DOC2B: variants seen among roughly 807,000 people sequenced by gnomAD.
The protein encoded by DOC2B is double C2 domain beta.
DOC2B carries 21 observed loss-of-function variants against 28.9 expected under a neutral mutation model. That is an observed-to-expected ratio of 0.73 (90% CI 0.52 to 1.05). DOC2B has a LOEUF of 1.05. Among genes scored for constraint, DOC2B ranks in the 50% least tolerant of loss-of-function variants. The pLI, the probability that DOC2B is intolerant of heterozygous loss-of-function variation, is 0.00. For missense variants in DOC2B, 384 were observed against 421.1 expected (o/e 0.91, Z 0.77); for synonymous variants, 194 against 178.1 (o/e 1.09, Z -0.71).
At chr17:178,480 C>T (rs2040394485) in intron 1 of DOC2B, among the ~76,000 whole-genome samples, 1 of 152,216 alleles carries the variant, frequency 6.6e-6, no homozygotes, top group Non-Finnish European at 1.5e-5. Context: ...GAGAGCCTCT[C>T]AGGTAGGGGC....
Position 172,613 on chromosome 17 carries a change from G to A in DOC2B, c.377C>T (p.Ala126Val), listed in dbSNP as rs910679659. ...ADGYESDDCT[A>V]LGTLDFSLLY... Reference sequence around the variant, plus strand: ...CAGGCTGAAGTCCAGCGTGCCCAGGGCAGCTGCGGACAGAGGAGGGCACAG... The same window carrying A: ...CAGGCTGAAGTCCAGCGTGCCCAGGACAGCTGCGGACAGAGGAGGGCACAG... Residue 126 changes from alanine (A) to valine (V), a missense_variant, in exon 2 of 9, where the codon GCC (alanine) becomes GTC (valine). Physicochemically the swap from Ala to Val is moderately conservative, Grantham distance 64. Transcript: ENST00000613549. 2 of 1,550,358 alleles carry A rather than the reference G, an allele frequency of 1.3e-6. No individual in the cohort carries two copies. The highest frequency in any genetic ancestry group is 2.7e-5 in the African/African-American group (2 of 73,126).
Position 156,278 on chromosome 17 carries a change from G to A in DOC2B, c.865C>T (p.Arg289Trp), listed in dbSNP as rs180965628. 72 of 1,551,644 alleles carry A rather than the reference G, an allele frequency of 4.6e-5. 1 individual carries two copies. Among genetic ancestry groups the A allele is most frequent in the Non-Finnish European group, 5.7e-5 (65 of 1,147,058 alleles). ...QKQGLLVGIV[R>W]CAHLAAMDAN... ...TCCATGGCGGCCAGGTGGGCGCACC[G>A]CACGATGCCTACCAGCAGGCCTTGC... The change falls in exon 6 of 9, where the codon CGG (arginine) becomes TGG (tryptophan). Residue 289 changes from arginine (R) to tryptophan (W), a missense_variant. Transcript: ENST00000613549.
At chr17:173,090 C>T (rs928228689) in intron 1 of DOC2B, among the ~76,000 whole-genome samples, 1 of 152,224 alleles carries the variant, frequency 6.6e-6, no homozygotes, top group African/African-American at 2.4e-5. Flanking sequence ...AGCCAACACA[C>T]AGGACTGCAG....
chr17:169,073 C>A, intron 2 of DOC2B, among the ~76,000 whole-genome samples: 1 of 152,102 alleles, frequency 6.6e-6, no homozygotes, highest in East Asian at 1.9e-4. Context: ...CCTGCCCCGC[C>A]CTGGGCCTCT....
chr17:170,678 T>G (rs1422186121), intron 2 of DOC2B, among the ~76,000 whole-genome samples: 1 of 151,990 alleles, frequency 6.6e-6, no homozygotes, highest in African/African-American at 2.4e-5. Context: ...CAGGGAGCAA[T>G]GGGGTGAGGG....
chr17:154,183 C>A (rs1410187316), intron 6 of DOC2B, among the ~76,000 whole-genome samples: 1 of 151,144 alleles, frequency 6.6e-6, no homozygotes, highest in Non-Finnish European at 1.5e-5. Context: ...ATATTCCACG[C>A]ACCTGCTACA....
chr17:170,846 GCAGCACCAGGGGCCGGGCCAGGCTGCA>G (rs2040305337), intron 2 of DOC2B, among the ~76,000 whole-genome samples: 5 of 91,290 alleles, frequency 5.5e-5, no homozygotes, highest in Non-Finnish European at 1.2e-4. Context: ...GCTGCAGAGG[GCAGCACCAGGGGCCGGGCCAGGCTGCA>G]GAGGGGAGCA....
At chr17:150,435 C>G (rs946055317) in intron 6 of DOC2B, among the ~76,000 whole-genome samples, 2 of 152,128 alleles carry the variant, frequency 1.3e-5, no homozygotes, top group Non-Finnish European at 2.9e-5. Flanking sequence ...GTGAAGGCAC[C>G]GCCCAAAGAC....
intron 3 of DOC2B, among the ~76,000 whole-genome samples, chr17:162,530 G>A (rs779725779): frequency 2.0e-5 from 3 of 152,216 alleles, no homozygotes; most frequent in Admixed American, 6.5e-5. Flanking sequence ...CAGGAGGGCC[G>A]ATGGCCTCTA....
At chr17:180,892 C>T (rs1489694952) in intron 1 of DOC2B, among the ~76,000 whole-genome samples, 1 of 151,802 alleles carries the variant, frequency 6.6e-6, no homozygotes, top group Non-Finnish European at 1.5e-5. Flanking sequence ...AACTTCCCTC[C>T]TGTCCGGCCT....
In DOC2B at chr17:145,409, C is replaced by T. The variant is rs892405465; in HGVS notation, c.*2032G>A. The T allele has an allele frequency of 1.3e-5, 2 of 152,366 alleles. No individual in the cohort carries two copies. Among genetic ancestry groups the T allele is most frequent in the East Asian group, 3.9e-4 (2 of 5,174 alleles). 9.4% of individuals were successfully genotyped at this position (152,366 alleles called of 1,614,324 possible). A position where few individuals can be genotyped will look rare whatever the true frequency, so the allele number is the denominator to read the frequency against. ...GGCAAACTACTCAGACTCTGGGAACCTGTTTCACCTGCAAGATGGGGATGA... is the reference window on the plus strand; with the variant it reads ...GGCAAACTACTCAGACTCTGGGAACTTGTTTCACCTGCAAGATGGGGATGA... On this transcript the variant is annotated 3_prime_UTR_variant, in exon 9 of 9. Transcript: ENST00000613549.
rs528443107 is a variant in DOC2B at position 160,204 on chromosome 17, G to A, written c.765+1211C>T. ...TTCGCCATGTTGGCCAGGCTCTCTC[G>A]AACTCTTGACCTCATGACCCACCTG... On this transcript the variant is annotated intron_variant, in intron 5 of 8. Coordinates refer to ENST00000613549, the MANE Select transcript of DOC2B (RefSeq NM_003585.5). 4.6e-5 allele frequency among the ~76,000 whole-genome samples: 7 copies of A among 152,102 alleles called. No individual in the cohort carries two copies. In the South Asian group the frequency reaches 6.2e-4, roughly 14 times the overall value.
In DOC2B at chr17:163,792, G is replaced by C. The variant is rs538585345; in HGVS notation, c.528+338C>G. ...TTTCCCCATGTTATTTAACCACAGA[G>C]TCCTTTGTTTGCACCTAATAGTAAC... On this transcript the variant is annotated intron_variant, in intron 3 of 8. Coordinates refer to ENST00000613549, the MANE Select transcript of DOC2B (RefSeq NM_003585.5). 3.9e-5 allele frequency: 11 copies of C among 282,044 alleles called. No homozygotes were observed. The East Asian group carries it at 6.7e-4, about 17-fold the overall frequency. 17.5% of individuals were successfully genotyped at this position (282,044 alleles called of 1,614,324 possible). A position where few individuals can be genotyped will look rare whatever the true frequency, so the allele number is the denominator to read the frequency against.
At chr17:175,494 G>A (rs1408940944) in intron 1 of DOC2B, among the ~76,000 whole-genome samples, 1 of 152,238 alleles carries the variant, frequency 6.6e-6, no homozygotes, top group African/African-American at 2.4e-5. Context: ...TTACATGATA[G>A]TAAATGGATC....
chr17:172,096 T>C (rs1416681518), intron 2 of DOC2B, among the ~76,000 whole-genome samples: 1 of 152,082 alleles, frequency 6.6e-6, no homozygotes, highest in East Asian at 1.9e-4. Context: ...ACACCCTGCC[T>C]GGAGTGGCAT....
chr17:176,714 A>C (rs540037184), intron 1 of DOC2B, among the ~76,000 whole-genome samples: 10 of 152,362 alleles, frequency 6.6e-5, no homozygotes, highest in African/African-American at 1.9e-4. Context: ...CCCTAAGGGC[A>C]GGAGAAGGTG....
rs202243525 is a variant in DOC2B, at chr17:172,156, TC to T, written c.453+380del. 5.5e-3 allele frequency among the ~76,000 whole-genome samples: 835 copies of T among 152,062 alleles called. 15 individuals carry two copies. Among genetic ancestry groups the T allele is most frequent in the African/African-American group, 0.019 (805 of 41,426 alleles). ...CCAGGGTGCAAAGTGGCGTCCCCAC[TC>T]CTCAGGGCGTCTGGGAGGCCTGGAG... On this transcript the variant is annotated intron_variant, in intron 2 of 8. Coordinates refer to ENST00000613549, the MANE Select transcript of DOC2B (RefSeq NM_003585.5).
At chr17:157,967 C>G (rs2040154712) in intron 5 of DOC2B, among the ~76,000 whole-genome samples, 1 of 152,210 alleles carries the variant, frequency 6.6e-6, no homozygotes, top group Admixed American at 6.5e-5. Context: ...GCCCCAGTTC[C>G]CTGAAGGTGC....
intron 6 of DOC2B, among the ~76,000 whole-genome samples, chr17:154,879 G>T (rs565867228): frequency 6.6e-6 from 1 of 151,924 alleles, no homozygotes; most frequent in Non-Finnish European, 1.5e-5. Flanking sequence ...ACAGGCGCCC[G>T]CCACCACACC....
Sources: allele counts gnomAD v4.1 joint callset (sites outside exome capture counted in the v4.1 genomes callset), GRCh38; gene constraint gnomAD v4.1.1; transcripts MANE v1.5; gene names NCBI Gene and HGNC (gene_info 2026-07-23, HGNC 2026-07-21).